The following PRKG1 variants were observed in gnomAD, a reference collection of about 807,000 sequenced individuals.
PRKG1 encodes cGMP-dependent protein kinase 1.
In PRKG1, 35 loss-of-function variants were observed where a neutral mutation model predicts 88.1. The observed-to-expected ratio is 0.40, with a 90% CI of 0.30 to 0.53. The LOEUF (loss-of-function observed/expected upper bound fraction) is 0.53. Among genes scored for constraint, PRKG1 ranks in the 20% least tolerant of loss-of-function variants. The pLI is 0.59. For missense variants in PRKG1, 540 were observed against 839.8 expected (o/e 0.64, Z 4.41); for synonymous variants, 303 against 292.5 (o/e 1.04, Z -0.37).
intron 1 of PRKG1, among the ~76,000 whole-genome samples, chr10:51,112,793 G>A (rs930558250): frequency 4.6e-5 from 7 of 152,122 alleles, no homozygotes; most frequent in African/African-American, 1.7e-4. Flanking sequence ...TGTCCATAAT[G>A]TTATGAGTTT....
intron 9 of PRKG1, among the ~76,000 whole-genome samples, chr10:52,166,827 A>T (rs1396582301): frequency 5.5e-5 from 1 of 18,206 alleles, no homozygotes; most frequent in African/African-American, 1.7e-4. Flanking sequence ...ATGTATATAT[A>T]TGTATATATA....
chr10:51,358,713 G>C (rs954443750), intron 2 of PRKG1, among the ~76,000 whole-genome samples: 2 of 151,818 alleles, frequency 1.3e-5, no homozygotes, highest in Non-Finnish European at 2.9e-5. Flanking sequence ...TTACTGGATG[G>C]GAGAGTTAAA....
At chr10:51,498,417 A>C (rs1345973356) in intron 3 of PRKG1, among the ~76,000 whole-genome samples, 2 of 152,200 alleles carry the variant, frequency 1.3e-5, no homozygotes, top group Non-Finnish European at 2.9e-5. Context: ...TTCCCTTAGA[A>C]GTTTTAAAAG....
chr10:51,684,464 T>G (rs1840934213), intron 3 of PRKG1, among the ~76,000 whole-genome samples: 1 of 152,088 alleles, frequency 6.6e-6, no homozygotes, highest in South Asian at 2.1e-4. Flanking sequence ...AATAGGTGGA[T>G]CTTATGGTGT....
intron 11 of PRKG1, 100 bp downstream of exon 11, chr10:52,271,589 G>A: frequency 7.9e-7 from 1 of 1,260,698 alleles, no homozygotes; most frequent in Non-Finnish European, 1.1e-6. Context: ...CATTTCGTAT[G>A]CACAAAGAAA....
At chr10:51,044,953 G>A (rs190609421) in intron 1 of PRKG1, among the ~76,000 whole-genome samples, 4 of 152,268 alleles carry the variant, frequency 2.6e-5, no homozygotes, top group Admixed American at 1.3e-4. Flanking sequence ...TGCTTCCAAA[G>A]AACAGTTGAG....
chr10:52,208,222 G>A (rs1839871971), intron 9 of PRKG1, among the ~76,000 whole-genome samples: 1 of 152,114 alleles, frequency 6.6e-6, no homozygotes. Flanking sequence ...CTTTGAATGT[G>A]AGTCTTCCTT....
intron 3 of PRKG1, among the ~76,000 whole-genome samples, chr10:51,804,033 C>T (rs1839241419): frequency 6.6e-6 from 1 of 152,040 alleles, no homozygotes; most frequent in Admixed American, 6.6e-5. Context: ...CTGAAACTAC[C>T]ACGTGGCAAC....
intron 2 of PRKG1, among the ~76,000 whole-genome samples, chr10:51,333,387 T>TA (rs1350082085): frequency 7.2e-5 from 11 of 152,352 alleles, no homozygotes; most frequent in Non-Finnish European, 1.3e-4. Context: ...ACAATATAAC[T>TA]ATGAGGAAGA....
chr10:51,635,285 C>CAA (rs141088007), intron 3 of PRKG1, among the ~76,000 whole-genome samples: 6 of 108,826 alleles, frequency 5.5e-5, no homozygotes, highest in African/African-American at 9.3e-5. Context: ...ATTATTTTAG[C>CAA]AAAAAAAAAA....
intron 1 of PRKG1, among the ~76,000 whole-genome samples, chr10:51,061,711 C>G (rs1018132432): frequency 1.3e-5 from 2 of 151,986 alleles, no homozygotes; most frequent in Non-Finnish European, 2.9e-5. Flanking sequence ...ACTTATCTTC[C>G]AGTTTACTAA....
intron 5 of PRKG1, among the ~76,000 whole-genome samples, chr10:51,944,877 A>G (rs1259070040): frequency 1.3e-5 from 2 of 151,858 alleles, no homozygotes; most frequent in African/African-American, 4.9e-5. Flanking sequence ...ACTTCCAAGT[A>G]TGTGGTCAGT....
At chr10:51,608,489 T>C (rs1316412702) in intron 3 of PRKG1, among the ~76,000 whole-genome samples, 1 of 152,234 alleles carries the variant, frequency 6.6e-6, no homozygotes, top group African/African-American at 2.4e-5. Context: ...TGATGTCAGC[T>C]GTTCTGCTGG....
intron 3 of PRKG1, among the ~76,000 whole-genome samples, chr10:51,632,264 AAC>A (rs1839546285): frequency 6.6e-6 from 1 of 152,146 alleles, no homozygotes; most frequent in Admixed American, 6.5e-5. Flanking sequence ...GTTTGTTATA[AAC>A]AGTGACCCCC....
intron 2 of PRKG1, among the ~76,000 whole-genome samples, chr10:51,370,831 A>G (rs1324952300): frequency 1.3e-5 from 2 of 152,044 alleles, no homozygotes; most frequent in Non-Finnish European, 2.9e-5. Context: ...ATGTCAATTT[A>G]TGCCCAAAGC....
At chr10:51,274,780 T>C (rs547683924) in intron 2 of PRKG1, among the ~76,000 whole-genome samples, 5 of 152,294 alleles carry the variant, frequency 3.3e-5, no homozygotes, top group African/African-American at 1.2e-4. Flanking sequence ...TGTGAGAAAT[T>C]ATTATGGGTC....
chr10:51,780,379 C>CAATA (rs1335921680), intron 3 of PRKG1, among the ~76,000 whole-genome samples: 3 of 152,066 alleles, frequency 2.0e-5, no homozygotes, highest in South Asian at 2.1e-4. Flanking sequence ...GGATGCTGAA[C>CAATA]AATAAATAAA....
chr10:51,113,312 G>C (rs1845023543), intron 1 of PRKG1, among the ~76,000 whole-genome samples: 1 of 152,188 alleles, frequency 6.6e-6, no homozygotes, highest in South Asian at 2.1e-4. Flanking sequence ...TGCCAATGCA[G>C]TTGCCACTAT....
chr10:51,443,560 T>G (rs1050618647), intron 2 of PRKG1, among the ~76,000 whole-genome samples: 14 of 152,042 alleles, frequency 9.2e-5, no homozygotes, highest in African/African-American at 3.1e-4. Flanking sequence ...TAAAGATAAT[T>G]TCAGGGAAAG....
Sources: allele counts gnomAD v4.1 joint callset (sites outside exome capture counted in the v4.1 genomes callset), GRCh38; gene constraint gnomAD v4.1.1; transcripts MANE v1.5; gene names NCBI Gene and HGNC (gene_info 2026-07-23, HGNC 2026-07-21).